Variants in UBAP1 observed in about 807,000 individuals in gnomAD.
UBAP1 encodes the protein ubiquitin associated protein 1.
A neutral mutation model predicts 39.0 loss-of-function variants in UBAP1; 5 were observed. The observed-to-expected ratio is 0.13, with a 90% CI of 0.07 to 0.27. UBAP1 has a LOEUF of 0.27. Ranked by LOEUF, UBAP1 falls within the 10% of genes least tolerant of loss-of-function variation. UBAP1 has a pLI of 1.00. For synonymous variants in UBAP1, 211 were observed against 225.1 expected (o/e 0.94, Z 0.56); for missense variants, 490 against 608.1 (o/e 0.81, Z 2.04).
At position 34,249,101 on chromosome 9, in the gene UBAP1, A is replaced by C. The variant is rs182498359; in HGVS notation, c.1084-678A>C. 4.8e-4 allele frequency among the ~76,000 whole-genome samples: 73 copies of C among 152,256 alleles called. 2 individuals carry two copies. The highest frequency in any genetic ancestry group is 4.3e-3 in the Admixed American group (66 of 15,290). ...GGCAGGTCCCTAGAGTCCAGATTCC[A>C]GTCTGTGGGATCCAGCCTGGTGTGG... On this transcript the variant is annotated intron_variant, in intron 4 of 6. Coordinates refer to ENST00000297661, the MANE Select transcript of UBAP1 (RefSeq NM_016525.5).
intron 4 of UBAP1, 32 bp from the exon 5 acceptor site, chr9:34,249,747 T>G (rs1183283105): frequency 6.2e-7 from 1 of 1,607,396 alleles, no homozygotes; most frequent in Non-Finnish European, 8.5e-7. Context: ...GGCCCAGGTC[T>G]TCTTGCCTTA....
At chr9:34,190,478 T>C (rs552895909) in intron 1 of UBAP1, among the ~76,000 whole-genome samples, 1 of 150,796 alleles carries the variant, frequency 6.6e-6, no homozygotes, top group Non-Finnish European at 1.5e-5. Context: ...TTAGTGGAGA[T>C]GGGGTTTCAC....
chr9:34,204,403 T>G (rs933133351), intron 1 of UBAP1, among the ~76,000 whole-genome samples: 1 of 152,188 alleles, frequency 6.6e-6, no homozygotes, highest in African/African-American at 2.4e-5. Flanking sequence ...GTGTGGATTG[T>G]ATATACTTGC....
chr9:34,182,696 T>TCTCTC (rs746595695), intron 1 of UBAP1, among the ~76,000 whole-genome samples: 3 of 130,744 alleles, frequency 2.3e-5, no homozygotes, highest in South Asian at 2.7e-4. Flanking sequence ...TCTCTCTTTC[T>TCTCTC]TTTCTTTTCT....
In UBAP1 at chr9:34,241,190, C is replaced by T. The variant is rs750745806; in HGVS notation, c.165C>T (p.Asp55=). Residue 55 remains aspartate (D), a synonymous_variant, in exon 4 of 7, where the codon GAC becomes GAT. Transcript: ENST00000297661. ...CCTCTGCTATATCTTTGCAGTATGA[C>T]TTCTCTTTGGAAAAGAAAACCATTG... ...CLQVVREVQY[D]FSLEKKTIEW... 1 of 1,468,310 alleles carries T rather than the reference C, an allele frequency of 6.8e-7. No homozygotes were observed. Among genetic ancestry groups the T allele is most frequent in the Non-Finnish European group, 9.0e-7 (1 of 1,109,256 alleles). 91.0% of individuals were successfully genotyped at this position (1,468,310 alleles called of 1,614,324 possible). A position where few individuals can be genotyped will look rare whatever the true frequency, so the allele number is the denominator to read the frequency against.
At chr9:34,199,211 C>T (rs1308390355) in intron 1 of UBAP1, among the ~76,000 whole-genome samples, 2 of 152,134 alleles carry the variant, frequency 1.3e-5, no homozygotes, top group East Asian at 3.9e-4. Flanking sequence ...GTAGCTGGGA[C>T]TACAGGGGCA....
In UBAP1 at chr9:34,252,407, T is replaced by C. The variant is rs977285207; in HGVS notation, c.*875T>C. 3 of 152,660 alleles carry C rather than the reference T, an allele frequency of 2.0e-5. No individual in the cohort carries two copies. The highest frequency in any genetic ancestry group is 7.2e-5 in the African/African-American group (3 of 41,460). The allele number at this position is 152,660 out of a possible 1,614,324, so 9.5% of individuals were successfully genotyped here. On this transcript the variant is annotated 3_prime_UTR_variant, in exon 7 of 7. Transcript: ENST00000297661. ...AGTCTCTCTGGTTTGTTTTGTATTA[T>C]GTTGTACATCATTAAAGATCTAAAT...
At chr9:34,205,866 C>T (rs1429120787) in intron 1 of UBAP1, among the ~76,000 whole-genome samples, 1 of 152,144 alleles carries the variant, frequency 6.6e-6, no homozygotes, top group Non-Finnish European at 1.5e-5. Flanking sequence ...GTGGCGGGCA[C>T]CTGTAGTCCC....
chr9:34,220,156 TCTC>T (rs1295608011), intron 1 of UBAP1, among the ~76,000 whole-genome samples: 1 of 40,090 alleles, frequency 2.5e-5, no homozygotes, highest in Non-Finnish European at 4.7e-5. Flanking sequence ...TCTCCTGCCC[TCTC>T]CTCTCTTTTC....
At chr9:34,187,244 C>T (rs1213454094) in intron 1 of UBAP1, among the ~76,000 whole-genome samples, 1 of 152,206 alleles carries the variant, frequency 6.6e-6, no homozygotes, top group Non-Finnish European at 1.5e-5. Flanking sequence ...GGAAATCCTT[C>T]TTTGCTGCCA....
chr9:34,181,158 A>C (rs1369800309), intron 1 of UBAP1, among the ~76,000 whole-genome samples: 1 of 101,514 alleles, frequency 9.9e-6, no homozygotes, highest in Non-Finnish European at 1.9e-5. Flanking sequence ...CTCTGTGCCC[A>C]GGCTGGAGTG....
In UBAP1 at chr9:34,205,610, C is replaced by T. The variant is rs185830589; in HGVS notation, c.-7-15298C>T. ...TAAAGATTAGACACTGTACTAGATG[C>T]TTGGAGGATTAAGAGGAGACCAGAG... On this transcript the variant is annotated intron_variant, in intron 1 of 6. Transcript: ENST00000297661. 2.1e-4 allele frequency among the ~76,000 whole-genome samples: 32 copies of T among 152,240 alleles called. 1 individual carries two copies. The East Asian group carries it at 5.6e-3, about 27-fold the overall frequency.
chr9:34,189,278 TC>T (rs890731689), intron 1 of UBAP1, among the ~76,000 whole-genome samples: 9 of 151,670 alleles, frequency 5.9e-5, no homozygotes, highest in African/African-American at 2.2e-4. Context: ...AACCTCCTCC[TC>T]CAGGGTTCAA....
Position 34,249,977 on chromosome 9 carries a change from G to C in UBAP1, c.1266+16G>C. On this transcript the variant is annotated intron_variant, in intron 5 of 6. Coordinates refer to ENST00000297661, the MANE Select transcript of UBAP1 (RefSeq NM_016525.5). ...TATTGAGCAGGTGAGCGGTTGGTCA[G>C]CCAGGAGGGCAGGCTCAGACCTGTG... The C allele has an allele frequency of 6.2e-7, 1 of 1,612,980 alleles. No homozygotes were observed. Among genetic ancestry groups the C allele is most frequent in the African/African-American group, 1.3e-5 (1 of 75,048 alleles).
chr9:34,242,594 A>G (rs1452300003), intron 4 of UBAP1, among the ~76,000 whole-genome samples: 1 of 152,158 alleles, frequency 6.6e-6, no homozygotes, highest in Non-Finnish European at 1.5e-5. Context: ...CAGTGGCACC[A>G]TCTCGGCTCA....
At position 34,222,563 on chromosome 9, in the gene UBAP1, G is replaced by C. The variant is rs568137106; in HGVS notation, c.34+1615G>C. Among the ~76,000 whole-genome samples the C allele has an allele frequency of 3.9e-5, 6 of 152,234 alleles. No homozygotes were observed. The South Asian group carries it at 1.2e-3, about 32-fold the overall frequency. ...TCCCAACAGTAGATTAGGAGGTTGA[G>C]GTGAGAGGATCGCTTGAGGCCAGGA... On this transcript the variant is annotated intron_variant, in intron 2 of 6. Coordinates refer to ENST00000297661, the MANE Select transcript of UBAP1 (RefSeq NM_016525.5).
intron 2 of UBAP1, among the ~76,000 whole-genome samples, chr9:34,222,416 G>A (rs188148507): frequency 6.6e-6 from 1 of 152,238 alleles, no homozygotes; most frequent in Non-Finnish European, 1.5e-5. Flanking sequence ...AAGAGGTCAG[G>A]CATCTTATTT....
At chr9:34,180,160 A>G (rs891595460) in intron 1 of UBAP1, among the ~76,000 whole-genome samples, 2 of 152,164 alleles carry the variant, frequency 1.3e-5, no homozygotes, top group Non-Finnish European at 2.9e-5. Context: ...GGTGGGAAAA[A>G]CAAGATACTT....
At chr9:34,249,984 G>A (rs1484033194) in intron 5 of UBAP1, 23 bp downstream of exon 5, 1 of 1,612,396 alleles carries the variant, frequency 6.2e-7, no homozygotes, top group East Asian at 2.2e-5. Context: ...TCAGCCAGGA[G>A]GGCAGGCTCA....
Sources: allele counts gnomAD v4.1 joint callset (sites outside exome capture counted in the v4.1 genomes callset), GRCh38; gene constraint gnomAD v4.1.1; transcripts MANE v1.5; gene names NCBI Gene and HGNC (gene_info 2026-07-23, HGNC 2026-07-21).